Variants in ARMC1 observed in about 807,000 individuals in gnomAD.
ARMC1 encodes the protein armadillo repeat-containing protein 1.
Under a neutral mutation model 31.4 loss-of-function variants are expected in ARMC1, and 16 were observed. That is an observed-to-expected ratio of 0.51 (90% CI 0.34 to 0.77). ARMC1 has a LOEUF of 0.77. Among genes scored for constraint, ARMC1 ranks in the 30% least tolerant of loss-of-function variants. The pLI is 0.01. For synonymous variants in ARMC1, 114 were observed against 118.9 expected, an observed-to-expected ratio of 0.96 and a Z score of 0.27; for missense variants, 259 against 347.5, an observed-to-expected ratio of 0.75 and a Z score of 2.02.
chr8:65,604,626 T>C (rs781572874), intron 6 of ARMC1, 41 bp from the exon 7 acceptor site: 2 of 1,567,148 alleles, frequency 1.3e-6, no homozygotes, highest in Non-Finnish European at 1.7e-6. Flanking sequence ...AAATCAACTT[T>C]ACTCCTTATT....
intron 3 of ARMC1, among the ~76,000 whole-genome samples, chr8:65,614,582 A>G (rs1210220130): frequency 1.3e-5 from 2 of 152,228 alleles, no homozygotes; most frequent in African/African-American, 4.8e-5. Flanking sequence ...AATGGGCTCA[A>G]CTAAGTCCAA....
chr8:65,609,975 TA>T (rs751442159), intron 4 of ARMC1, among the ~76,000 whole-genome samples: 1 of 152,112 alleles, frequency 6.6e-6, no homozygotes, highest in African/African-American at 2.4e-5. Flanking sequence ...CCTAAATATG[TA>T]AAGTTATATA....
chr8:65,620,700 G>A (rs746273951), intron 3 of ARMC1, among the ~76,000 whole-genome samples: 8 of 151,352 alleles, frequency 5.3e-5, no homozygotes, highest in South Asian at 2.1e-4. Context: ...TTAAGCCAGC[G>A]CTCCTCTTCC....
intron 6 of ARMC1, among the ~76,000 whole-genome samples, chr8:65,604,977 C>T (rs986406873): frequency 3.9e-5 from 6 of 152,170 alleles, no homozygotes; most frequent in African/African-American, 1.4e-4. Flanking sequence ...CCAGTGGTTA[C>T]ACCTTTATTT....
intron 3 of ARMC1, among the ~76,000 whole-genome samples, chr8:65,615,791 C>T (rs1171100297): frequency 2.0e-5 from 3 of 151,576 alleles, no homozygotes; most frequent in Non-Finnish European, 4.4e-5. Flanking sequence ...GCTACTCAGG[C>T]GGTGGAGGCA....
At chr8:65,615,791 C>G (rs1171100297) in intron 3 of ARMC1, among the ~76,000 whole-genome samples, 1 of 151,576 alleles carries the variant, frequency 6.6e-6, no homozygotes, top group African/African-American at 2.4e-5. Flanking sequence ...GCTACTCAGG[C>G]GGTGGAGGCA....
chr8:65,609,606 T>A (rs901313426), intron 4 of ARMC1, among the ~76,000 whole-genome samples: 29 of 152,184 alleles, frequency 1.9e-4, no homozygotes, highest in African/African-American at 6.7e-4. Flanking sequence ...ACGCCTGTAA[T>A]CCCAACACTT....
At chr8:65,630,398 T>C (rs1489675994) in intron 1 of ARMC1, among the ~76,000 whole-genome samples, 1 of 152,210 alleles carries the variant, frequency 6.6e-6, no homozygotes, top group Non-Finnish European at 1.5e-5. Flanking sequence ...AACGCTGGCC[T>C]TGAAACTGAA....
chr8:65,628,062 C>G (rs1185049913), intron 1 of ARMC1, among the ~76,000 whole-genome samples: 1 of 152,042 alleles, frequency 6.6e-6, no homozygotes, highest in African/African-American at 2.4e-5. Context: ...AACAGAAAAG[C>G]AAAAATAGGA....
intron 4 of ARMC1, among the ~76,000 whole-genome samples, 187 bp from the exon 5 acceptor site, chr8:65,605,725 T>G (rs1319132485): frequency 1.3e-5 from 2 of 152,200 alleles, no homozygotes; most frequent in Non-Finnish European, 2.9e-5. Flanking sequence ...ATCAACAGAA[T>G]AGTAATTCCT....
In ARMC1 at chr8:65,613,352, A is replaced by G. The variant is rs1488171575; in HGVS notation, c.357T>C (p.Asp119=). ...ILQSSNMADG[D]SFNEMNSRRR... is the part of the protein sequence containing the mutation. The stretch of plus-strand genomic sequence containing the variant: ...GACGTGAATTCATCTCATTAAAACT[A>G]TCACCATCTGCCATATTGGAGGACT... The change falls in exon 4 of 7, where the codon GAT becomes GAC. Residue 119 remains aspartate, a synonymous_variant. Coordinates refer to ENST00000276569, the MANE Select transcript of ARMC1 (RefSeq NM_018120.6). 1.2e-6 allele frequency: 2 copies of G among 1,612,398 alleles called. No homozygotes were observed. The highest frequency in any genetic ancestry group is 2.7e-5 in the African/African-American group (2 of 74,878).
chr8:65,606,691 A>G lies in ARMC1; in HGVS notation c.466-1153T>C, dbSNP rs374021577. Among the ~76,000 whole-genome samples, 6 of 152,284 alleles carry G rather than the reference A, an allele frequency of 3.9e-5. No homozygotes were observed. In the South Asian group the frequency reaches 6.2e-4, roughly 16 times the overall value. On this transcript the variant is annotated intron_variant, in intron 4 of 6. Coordinates refer to ENST00000276569, the MANE Select transcript of ARMC1 (RefSeq NM_018120.6). The stretch of plus-strand genomic sequence containing the variant: ...CTGGTCTTCCACTTTCCCACTGATT[A>G]TTCCAGCTTTGTCTCACCTTAACTC...
At chr8:65,615,415 A>C (rs961215101) in intron 3 of ARMC1, among the ~76,000 whole-genome samples, 24 of 152,086 alleles carry the variant, frequency 1.6e-4, no homozygotes, top group African/African-American at 5.5e-4. Flanking sequence ...AAAAAAAAAA[A>C]AAAACAGGGC....
At chr8:65,610,108 T>TG (rs200946923) in intron 4 of ARMC1, among the ~76,000 whole-genome samples, 172 of 151,706 alleles carry the variant, frequency 1.1e-3, no homozygotes, top group East Asian at 2.8e-3. Flanking sequence ...TAAAATTTTT[T>TG]TGTGTGTGTG....
chr8:65,616,631 C>A (rs1808267443), intron 3 of ARMC1, among the ~76,000 whole-genome samples: 1 of 150,888 alleles, frequency 6.6e-6, no homozygotes, highest in African/African-American at 2.4e-5. Context: ...GCCCGGCTGC[C>A]CAGTCTGGGA....
chr8:65,613,889 G>A (rs567398515), intron 3 of ARMC1, among the ~76,000 whole-genome samples: 4 of 151,890 alleles, frequency 2.6e-5, no homozygotes, highest in East Asian at 3.9e-4. Context: ...GAACCCGGGA[G>A]GCAGAAGTTG....
intron 1 of ARMC1, among the ~76,000 whole-genome samples, chr8:65,627,861 A>G (rs1297809716): frequency 6.6e-6 from 1 of 152,202 alleles, no homozygotes; most frequent in Non-Finnish European, 1.5e-5. Flanking sequence ...TCATCAGTGA[A>G]CAAAAACCTA....
chr8:65,632,901 T>C (rs1808678976), intron 1 of ARMC1: 1 of 152,266 alleles, frequency 6.6e-6, no homozygotes, highest in Non-Finnish European at 1.5e-5. Flanking sequence ...TTTATACCTT[T>C]ACTTTCTCTT....
intron 3 of ARMC1, among the ~76,000 whole-genome samples, chr8:65,619,744 G>A (rs1198295657): frequency 4.6e-5 from 7 of 151,810 alleles, no homozygotes; most frequent in African/African-American, 1.7e-4. Context: ...AGTACTTTGG[G>A]AGGCTGAGAC....
Sources: allele counts gnomAD v4.1 joint callset (sites outside exome capture counted in the v4.1 genomes callset), GRCh38; gene constraint gnomAD v4.1.1; transcripts MANE v1.5; gene names NCBI Gene and HGNC (gene_info 2026-07-23, HGNC 2026-07-21).